Variants in AGMO observed in about 807,000 individuals in gnomAD.
AGMO encodes the protein glyceryl-ether monooxygenase.
In AGMO, 75 loss-of-function variants were observed where a neutral mutation model predicts 60.2. The ratio of observed to expected loss-of-function variants is 1.25; its 90% CI spans 1.03 to 1.51. AGMO has a LOEUF of 1.51. Among genes scored for constraint, AGMO ranks in the 40% most tolerant of loss-of-function variants. The pLI is 0.00. For synonymous variants in AGMO, 261 were observed against 177.1 expected, an observed-to-expected ratio of 1.47 and a Z score of -3.76; for missense variants, 763 against 525.5, an observed-to-expected ratio of 1.45 and a Z score of -4.42.
Position 15,561,961 on chromosome 7 carries a change from G to A in AGMO, c.-116C>T. On this transcript the variant is annotated 5_prime_UTR_variant, in exon 1 of 13. Coordinates refer to ENST00000342526, the MANE Select transcript of AGMO (RefSeq NM_001004320.2). Reference sequence around the variant, plus strand: ...AGAACAAGCTCTTTGTCAGAGAACAGCTAAAACCAAAGCTCCACTGAGAGC... The same window carrying A: ...AGAACAAGCTCTTTGTCAGAGAACAACTAAAACCAAAGCTCCACTGAGAGC... 8.9e-7 allele frequency: 1 copy of A among 1,120,308 alleles called. No individual in the cohort carries two copies. Among genetic ancestry groups the A allele is most frequent in the Non-Finnish European group, 1.2e-6 (1 of 809,408 alleles). 69.4% of individuals were successfully genotyped at this position (1,120,308 alleles called of 1,614,324 possible).
At chr7:15,352,522 T>C (rs1782283699) in intron 12 of AGMO, among the ~76,000 whole-genome samples, 1 of 151,640 alleles carries the variant, frequency 6.6e-6, no homozygotes, top group Non-Finnish European at 1.5e-5. Context: ...ACTGGGCGTT[T>C]GGGTGTTCAG....
intron 2 of AGMO, among the ~76,000 whole-genome samples, chr7:15,553,253 A>G (rs1785025839): frequency 6.6e-6 from 1 of 151,390 alleles, no homozygotes. Context: ...GCGCACCAGC[A>G]TGGCACATGT....
intron 12 of AGMO, among the ~76,000 whole-genome samples, chr7:15,271,439 A>T (rs1243906822): frequency 6.6e-6 from 1 of 152,102 alleles, no homozygotes; most frequent in Non-Finnish European, 1.5e-5. Context: ...ATTGTAAATG[A>T]GATTGAGTTT....
intron 12 of AGMO, among the ~76,000 whole-genome samples, chr7:15,336,757 G>C (rs944504479): frequency 6.6e-6 from 1 of 152,086 alleles, no homozygotes; most frequent in Non-Finnish European, 1.5e-5. Context: ...AACATGGCTA[G>C]TCTTAGGTTA....
chr7:15,383,878 ATCTGTT>A (rs1783799744), intron 10 of AGMO, among the ~76,000 whole-genome samples: 1 of 151,432 alleles, frequency 6.6e-6, no homozygotes, highest in Non-Finnish European at 1.5e-5. Context: ...CATGTTTTTA[ATCTGTT>A]TATGTATTGA....
intron 12 of AGMO, among the ~76,000 whole-genome samples, chr7:15,245,269 C>A (rs1782708579): frequency 6.6e-6 from 1 of 152,142 alleles, no homozygotes; most frequent in African/African-American, 2.4e-5. Flanking sequence ...CCAATGTCGT[C>A]ATCACTACCT....
chr7:15,472,905 G>A (rs796111903), intron 3 of AGMO, among the ~76,000 whole-genome samples: 9 of 151,940 alleles, frequency 5.9e-5, no homozygotes, highest in African/African-American at 2.2e-4. Context: ...AAGCAAGTAG[G>A]AAACAAAGCA....
At chr7:15,160,572 C>T in the AGMO span, among the ~76,000 whole-genome samples, 1 of 151,630 alleles carries the variant, frequency 6.6e-6, no homozygotes, top group Admixed American at 6.6e-5. Flanking sequence ...TATGAAGTAA[C>T]AAAACTTAAA....
chr7:15,295,172 T>C (rs1243729776), intron 12 of AGMO, among the ~76,000 whole-genome samples: 1 of 151,934 alleles, frequency 6.6e-6, no homozygotes, highest in African/African-American at 2.4e-5. Context: ...ATTTTTAGAA[T>C]ATAAAACAGA....
At chr7:15,380,209 G>A (rs1329184863) in intron 10 of AGMO, among the ~76,000 whole-genome samples, 1 of 152,040 alleles carries the variant, frequency 6.6e-6, no homozygotes, top group Non-Finnish European at 1.5e-5. Context: ...TAAGAAGAGA[G>A]GAGATCAAAC....
intron 12 of AGMO, among the ~76,000 whole-genome samples, chr7:15,250,719 C>T (rs893372247): frequency 2.7e-4 from 41 of 152,234 alleles, no homozygotes; most frequent in Admixed American, 1.7e-3. Context: ...GCAGGTGGAT[C>T]ACCTGAGGTC....
intron 3 of AGMO, among the ~76,000 whole-genome samples, chr7:15,518,661 T>C (rs1783891333): frequency 6.6e-6 from 1 of 151,664 alleles, no homozygotes; most frequent in Non-Finnish European, 1.5e-5. Flanking sequence ...AAAAACCCCA[T>C]CCAAAGTTCA....
intron 10 of AGMO, among the ~76,000 whole-genome samples, chr7:15,374,085 G>C (rs930995912): frequency 6.6e-6 from 1 of 152,198 alleles, no homozygotes. Flanking sequence ...AAGGCTTGAA[G>C]ATGCTTCTCA....
At chr7:15,422,240 A>G (rs1019739330) in intron 4 of AGMO, among the ~76,000 whole-genome samples, 4 of 152,122 alleles carry the variant, frequency 2.6e-5, no homozygotes, top group African/African-American at 9.7e-5. Context: ...TATTCCTTCA[A>G]TAAAACAATG....
chr7:15,376,336 G>T (rs1783449075), intron 10 of AGMO, among the ~76,000 whole-genome samples: 1 of 152,032 alleles, frequency 6.6e-6, no homozygotes, highest in South Asian at 2.1e-4. Context: ...AATTTGTGCA[G>T]GTGGCACTCT....
chr7:15,305,086 G>C (rs6967701), intron 12 of AGMO, among the ~76,000 whole-genome samples: 4,590 of 151,878 alleles, frequency 0.03, 218 homozygotes, highest in African/African-American at 0.1. Flanking sequence ...GTTACTAGAA[G>C]TGATTATCCA....
chr7:15,389,389 T>G (rs1784050470), intron 8 of AGMO, among the ~76,000 whole-genome samples: 1 of 152,208 alleles, frequency 6.6e-6, no homozygotes, highest in African/African-American at 2.4e-5. Flanking sequence ...TCAATTGGTT[T>G]TATTTACACA....
rs556742398 is a variant in AGMO, at chr7:15,519,087, A to G, written c.409+25685T>C. On this transcript the variant is annotated intron_variant, in intron 3 of 12. Coordinates refer to ENST00000342526, the MANE Select transcript of AGMO (RefSeq NM_001004320.2). ...ATATCAGAGAATGAAGATCAACTTAATGAAATAAAACATGAAGACAAGGTT... is the reference window on the plus strand; with the variant it reads ...ATATCAGAGAATGAAGATCAACTTAGTGAAATAAAACATGAAGACAAGGTT... Among the ~76,000 whole-genome samples the G allele has an allele frequency of 5.9e-5, 9 of 151,920 alleles. No homozygotes were observed. The South Asian group carries it at 1.9e-3, about 32-fold the overall frequency.
At chr7:15,431,469 G>C (rs1316488982) in intron 3 of AGMO, among the ~76,000 whole-genome samples, 2 of 151,936 alleles carry the variant, frequency 1.3e-5, no homozygotes, top group Non-Finnish European at 2.9e-5. Flanking sequence ...TCAACGGATA[G>C]TGATGATTTT....
Sources: gnomAD v4.1 joint callset for allele counts (sites outside exome capture counted in the v4.1 genomes callset) on GRCh38, gnomAD v4.1.1 for gene constraint, MANE v1.5 for transcripts, NCBI Gene and HGNC (gene_info 2026-07-23, HGNC 2026-07-21) for gene names.